XYLB: variants seen among roughly 807,000 people sequenced by gnomAD.
The protein encoded by XYLB is xylulose kinase.
A neutral mutation model predicts 78.7 loss-of-function variants in XYLB; 62 were observed. The ratio of observed to expected loss-of-function variants is 0.79; its 90% CI spans 0.64 to 0.97. XYLB has a LOEUF of 0.97. Among genes scored for constraint, XYLB ranks in the 50% least tolerant of loss-of-function variants. The pLI is 0.00. For synonymous variants in XYLB, 245 were observed against 247.4 expected, an observed-to-expected ratio of 0.99 and a Z score of 0.09; for missense variants, 687 against 676.8, an observed-to-expected ratio of 1.02 and a Z score of -0.17.
intron 7 of XYLB, among the ~76,000 whole-genome samples, chr3:38,367,976 T>C (rs1361618358): frequency 2.0e-5 from 3 of 152,212 alleles, no homozygotes; most frequent in African/African-American, 7.2e-5. Flanking sequence ...TCAGAAACTG[T>C]AGAGAATGAA....
At chr3:38,410,368 T>C (rs1426761938) in intron 18 of XYLB, among the ~76,000 whole-genome samples, 1 of 152,170 alleles carries the variant, frequency 6.6e-6, no homozygotes, top group African/African-American at 2.4e-5. Context: ...CCTTACACCT[T>C]ATACAAAAAT....
At chr3:38,420,280 A>T (rs984168154) in exon 18 of XYLB, among the ~76,000 whole-genome samples, 3 of 152,170 alleles carry the variant, frequency 2.0e-5, no homozygotes, top group Admixed American at 6.5e-5. Flanking sequence ...ATCTGTAAGC[A>T]TTTTATTTCA....
chr3:38,379,191 A>G, intron 14 of XYLB, 55 bp from the exon 15 acceptor site: 3 of 1,559,514 alleles, frequency 1.9e-6, no homozygotes, highest in Non-Finnish European at 2.7e-6. Context: ...ACACATACAC[A>G]CACGAATGGA....
intron 2 of XYLB, among the ~76,000 whole-genome samples, chr3:38,359,979 C>T (rs1344428921): frequency 6.6e-6 from 1 of 152,184 alleles, no homozygotes; most frequent in East Asian, 1.9e-4. Context: ...ACACTCTTCC[C>T]TCCGACGCAG....
intron 15 of XYLB, among the ~76,000 whole-genome samples, chr3:38,380,285 G>T (rs1209456502): frequency 1.3e-5 from 2 of 152,154 alleles, no homozygotes; most frequent in Admixed American, 1.3e-4. Flanking sequence ...GGCCGGGGGA[G>T]GCAAAAGGAG....
intron 8 of XYLB, among the ~76,000 whole-genome samples, chr3:38,369,057 T>C (rs818835): frequency 0.89 from 135,941 of 152,144 alleles, 61,315 homozygotes; most frequent in East Asian, 1. Flanking sequence ...GTGGACAGAA[T>C]GGGGGTAGAG....
At chr3:38,406,369 A>T (rs1575537700) in intron 18 of XYLB, among the ~76,000 whole-genome samples, 1 of 152,342 alleles carries the variant, frequency 6.6e-6, no homozygotes, top group East Asian at 1.9e-4. Context: ...AGACATCCGC[A>T]CCAAAAACCC....
intron 18 of XYLB, among the ~76,000 whole-genome samples, chr3:38,402,903 A>T (rs1271801547): frequency 6.6e-6 from 1 of 152,260 alleles, no homozygotes; most frequent in Non-Finnish European, 1.5e-5. Flanking sequence ...TTTTTAAAGT[A>T]AAAGTAAAAA....
intron 18 of XYLB, among the ~76,000 whole-genome samples, chr3:38,411,984 CTT>C (rs5848424): frequency 4.0e-4 from 55 of 138,184 alleles, no homozygotes; most frequent in South Asian, 3.7e-3. Flanking sequence ...GATCTCAACT[CTT>C]TTTTTTTTTT....
chr3:38,389,588 C>A (rs1208157162), intron 15 of XYLB, among the ~76,000 whole-genome samples: 1 of 150,068 alleles, frequency 6.7e-6, no homozygotes, highest in African/African-American at 2.5e-5. Context: ...TGACCCCCCA[C>A]CTCCCTCCCG....
intron 15 of XYLB, among the ~76,000 whole-genome samples, chr3:38,381,778 AC>A (rs1707157234): frequency 6.6e-6 from 1 of 152,012 alleles, no homozygotes; most frequent in African/African-American, 2.4e-5. Flanking sequence ...TGATCCCAAA[AC>A]CCTGTCTCCT....
At chr3:38,416,969 G>A (rs1708816169), downstream of XYLB, among the ~76,000 whole-genome samples, 1 of 152,112 alleles carries the variant, frequency 6.6e-6, no homozygotes, top group South Asian at 2.1e-4. Flanking sequence ...ATTATGCAAG[G>A]AAAAATGAAT....
chr3:38,354,154 A>T (rs1705516491), intron 2 of XYLB, among the ~76,000 whole-genome samples: 1 of 151,218 alleles, frequency 6.6e-6, no homozygotes, highest in Non-Finnish European at 1.5e-5. Flanking sequence ...GCTCACTGCA[A>T]CCTCTGCCTC....
intron 18 of XYLB, 91 bp downstream of exon 18, chr3:38,401,076 G>A (rs1708108188): frequency 2.7e-6 from 3 of 1,094,526 alleles, no homozygotes; most frequent in Non-Finnish European, 4.2e-6. Flanking sequence ...TACATTGAAC[G>A]TGATGTGCTC....
chr3:38,376,948 C>G lies in XYLB; in HGVS notation c.1151C>G (p.Pro384Arg), dbSNP rs773770912. The stretch of plus-strand genomic sequence containing the variant: ...TATTTTGATGTAATGGAGATCACCC[C>G]TGAAATTATTGGACGTCATAGGTTT... ...GFYFDVMEIT[P>R]EIIGRHRFNT... Residue 384 changes from proline to arginine, a missense_variant, in exon 14 of 19, where the codon CCT (proline) becomes CGT (arginine). Physicochemically the swap from Pro to Arg is moderately radical, Grantham distance 103. Transcript: ENST00000207870. The G allele has an allele frequency of 3.1e-6, 5 of 1,613,968 alleles. No individual in the cohort carries two copies. The highest frequency in any genetic ancestry group is 2.5e-6 in the Non-Finnish European group (3 of 1,179,972).
the XYLB span, among the ~76,000 whole-genome samples, chr3:38,443,010 C>T: frequency 6.6e-6 from 1 of 152,094 alleles, no homozygotes; most frequent in South Asian, 2.1e-4. Context: ...ATATGTCCCT[C>T]CCTAATAAGG....
chr3:38,369,975 T>C, intron 8 of XYLB, 81 bp from the exon 9 acceptor site: 13 of 1,196,546 alleles, frequency 1.1e-5, no homozygotes, highest in Non-Finnish European at 1.6e-5. Flanking sequence ...AAGAGAATTA[T>C]CTGCTCTGTG....
intron 2 of XYLB, chr3:38,355,879 A>G: frequency 1.5e-6 from 1 of 684,488 alleles, no homozygotes; most frequent in South Asian, 1.5e-5. Context: ...GAGGAGAAAG[A>G]AACTTCAGCT....
the XYLB span, chr3:38,450,878 A>G: frequency 1.3e-5 from 2 of 152,216 alleles, no homozygotes; most frequent in African/African-American, 2.4e-5. Flanking sequence ...TACATGGAAA[A>G]AAGTAGTCGG....
Sources: allele counts gnomAD v4.1 joint callset (sites outside exome capture counted in the v4.1 genomes callset), GRCh38; gene constraint gnomAD v4.1.1; transcripts MANE v1.5; gene names NCBI Gene and HGNC (gene_info 2026-07-23, HGNC 2026-07-21).